The following RALGPS1 variants were observed in gnomAD, a reference collection of about 807,000 sequenced individuals.
The protein encoded by RALGPS1 is ras-specific guanine nucleotide-releasing factor RalGPS1.
RALGPS1 carries 19 observed loss-of-function variants against 78.8 expected under a neutral mutation model. The ratio of observed to expected loss-of-function variants is 0.24; its 90% CI spans 0.17 to 0.35. RALGPS1 has a LOEUF of 0.35. Ranked by LOEUF, RALGPS1 falls within the 10% of genes least tolerant of loss-of-function variation. The pLI is 1.00. For missense variants in RALGPS1, 454 were observed against 688.3 expected, an observed-to-expected ratio of 0.66 and a Z score of 3.81; for synonymous variants, 228 against 256.3, an observed-to-expected ratio of 0.89 and a Z score of 1.06.
At chr9:126,953,139 G>A (rs1335772398) in intron 1 of RALGPS1, among the ~76,000 whole-genome samples, 1 of 152,106 alleles carries the variant, frequency 6.6e-6, no homozygotes, top group Non-Finnish European at 1.5e-5. Flanking sequence ...CTGGAAGATT[G>A]GAAGGAAACC....
intron 1 of RALGPS1, among the ~76,000 whole-genome samples, chr9:126,938,154 CTGTT>C (rs530553493): frequency 5.9e-5 from 9 of 152,196 alleles, no homozygotes; most frequent in Non-Finnish European, 1.3e-4. Context: ...TTCTGCATCA[CTGTT>C]TATAGTGGCA....
intron 7 of RALGPS1, among the ~76,000 whole-genome samples, chr9:127,054,996 TGAGAGAGAGAGA>T (rs10555826): frequency 0.029 from 4,041 of 139,162 alleles, 209 homozygotes; most frequent in African/African-American, 0.1. Context: ...AGAGATTGAT[TGAGAGAGAGAGA>T]GAGAGAGAGA....
At chr9:127,115,915 G>C (rs939559306) in intron 8 of RALGPS1, among the ~76,000 whole-genome samples, 2 of 152,282 alleles carry the variant, frequency 1.3e-5, no homozygotes, top group East Asian at 3.9e-4. Context: ...GGCCAGGGAG[G>C]GCATATCCAG....
intron 8 of RALGPS1, among the ~76,000 whole-genome samples, chr9:127,101,091 A>G (rs2053676079): frequency 6.6e-6 from 1 of 152,224 alleles, no homozygotes; most frequent in Non-Finnish European, 1.5e-5. Context: ...TCCTTCAGGA[A>G]GCTTTCCCCA....
At chr9:126,990,417 C>T (rs577133392) in intron 4 of RALGPS1, among the ~76,000 whole-genome samples, 1 of 152,310 alleles carries the variant, frequency 6.6e-6, no homozygotes, top group East Asian at 1.9e-4. Context: ...CCCTGCTTAG[C>T]GCCCTCTGTG....
intron 4 of RALGPS1, chr9:126,989,906 C>T (rs1042906297): frequency 3.2e-6 from 5 of 1,550,258 alleles, no homozygotes; most frequent in African/African-American, 2.7e-5. Context: ...GGCTGGCCTG[C>T]CAGAATGGAA....
intron 8 of RALGPS1, chr9:127,069,613 C>G (rs1334538313): frequency 2.6e-6 from 1 of 390,696 alleles, no homozygotes; most frequent in Non-Finnish European, 4.7e-6. Context: ...GGCTGCAGCC[C>G]AGATGGGTCA....
chr9:127,152,293 T>C (rs2058464453), intron 8 of RALGPS1, among the ~76,000 whole-genome samples: 1 of 152,208 alleles, frequency 6.6e-6, no homozygotes, highest in Non-Finnish European at 1.5e-5. Context: ...GTATTATCCT[T>C]TTTGGATTTT....
intron 5 of RALGPS1, among the ~76,000 whole-genome samples, chr9:127,039,342 G>A (rs2047103657): frequency 6.6e-6 from 1 of 152,118 alleles, no homozygotes; most frequent in South Asian, 2.1e-4. Flanking sequence ...TCTAAGACAG[G>A]GCTAAAAAAG....
intron 8 of RALGPS1, chr9:127,108,896 A>G: frequency 4.0e-6 from 3 of 744,706 alleles, no homozygotes; most frequent in East Asian, 2.7e-5. Context: ...ACTCTGCTTC[A>G]GGATGCTGGG....
At chr9:126,971,735 C>T (rs908774963) in intron 3 of RALGPS1, among the ~76,000 whole-genome samples, 1 of 152,106 alleles carries the variant, frequency 6.6e-6, no homozygotes, top group East Asian at 1.9e-4. Context: ...GAGCAGTAAA[C>T]ATGCAATTAC....
chr9:126,915,088 G>A (rs923261396), intron 1 of RALGPS1, 113 bp downstream of exon 1: 2 of 147,348 alleles, frequency 1.4e-5, no homozygotes, highest in African/African-American at 2.5e-5. Flanking sequence ...TGCAGGTGTG[G>A]GGGGCGGGAC....
intron 8 of RALGPS1, among the ~76,000 whole-genome samples, chr9:127,160,334 A>G (rs895688264): frequency 3.3e-5 from 5 of 152,140 alleles, no homozygotes; most frequent in African/African-American, 1.2e-4. Context: ...ATTCACTGTC[A>G]AGAAGCAGGT....
chr9:127,013,481 C>T (rs543147663), intron 4 of RALGPS1, among the ~76,000 whole-genome samples: 16 of 152,272 alleles, frequency 1.1e-4, no homozygotes, highest in Non-Finnish European at 8.8e-5. Context: ...CTGTTATTGA[C>T]GCCCCCTCTC....
At chr9:127,041,627 G>T (rs1340898789) in intron 5 of RALGPS1, among the ~76,000 whole-genome samples, 1 of 152,206 alleles carries the variant, frequency 6.6e-6, no homozygotes, top group Non-Finnish European at 1.5e-5. Flanking sequence ...CACGTGAGGG[G>T]TGAGGGTGGG....
chr9:127,167,159 A>T (rs534532467), intron 9 of RALGPS1, among the ~76,000 whole-genome samples: 3 of 152,300 alleles, frequency 2.0e-5, no homozygotes, highest in South Asian at 4.1e-4. Flanking sequence ...TGCTGTGCGT[A>T]GGGTGTGAGA....
At chr9:127,015,032 G>C (rs1349016398) in intron 4 of RALGPS1, among the ~76,000 whole-genome samples, 1 of 152,164 alleles carries the variant, frequency 6.6e-6, no homozygotes, top group African/African-American at 2.4e-5. Context: ...CCATTATATA[G>C]TACCTAGAAT....
chr9:127,071,050 T>TACAC (rs77253961), intron 8 of RALGPS1, among the ~76,000 whole-genome samples: 12 of 150,908 alleles, frequency 8.0e-5, no homozygotes, highest in African/African-American at 2.9e-4. Flanking sequence ...TATATATATA[T>TACAC]ACACTAAATA....
chr9:127,164,900 A>G (rs2059216905), intron 8 of RALGPS1, among the ~76,000 whole-genome samples: 2 of 152,248 alleles, frequency 1.3e-5, no homozygotes, highest in South Asian at 4.1e-4. Flanking sequence ...ATATATGTGT[A>G]TATGTATATA....
Sources: gnomAD v4.1 joint callset for allele counts (sites outside exome capture counted in the v4.1 genomes callset) on GRCh38, gnomAD v4.1.1 for gene constraint, MANE v1.5 for transcripts, NCBI Gene and HGNC (gene_info 2026-07-23, HGNC 2026-07-21) for gene names.